The following NUMBL variants were observed in gnomAD, a reference collection of about 807,000 sequenced individuals.
NUMBL encodes NUMB like endocytic adaptor protein.
In NUMBL, 20 loss-of-function variants were observed where a neutral mutation model predicts 48.9. The ratio of observed to expected loss-of-function variants is 0.41; its 90% CI spans 0.29 to 0.59. NUMBL has a LOEUF of 0.59. Ranked by LOEUF, NUMBL falls within the 20% of genes least tolerant of loss-of-function variation. NUMBL has a pLI of 0.31. For synonymous variants in NUMBL, 340 were observed against 348.7 expected, an observed-to-expected ratio of 0.98 and a Z score of 0.28; for missense variants, 660 against 846.2, an observed-to-expected ratio of 0.78 and a Z score of 2.73.
Position 40,682,887 on chromosome 19 carries a change from C to A in NUMBL, c.324+7G>T. The A allele has an allele frequency of 6.2e-7, 1 of 1,614,134 alleles. No individual in the cohort carries two copies. The highest frequency in any genetic ancestry group is 8.5e-7 in the Non-Finnish European group (1 of 1,180,030). ...GCCCCCTCCCTCATGGCAGCCCCCT[C>A]ACTCACCGCCTTCAGCTTCTTCACC... On this transcript the variant is annotated splice_region_variant and intron_variant, in intron 4 of 9. Coordinates refer to ENST00000252891, the MANE Select transcript of NUMBL (RefSeq NM_004756.5). This position sits in a 1 kb window ranked among gnomAD's most constrained non-coding sequence, Gnocchi z 4.0.
chr19:40,677,384 G>T lies in NUMBL; in HGVS notation c.578C>A (p.Ala193Asp). The T allele has an allele frequency of 6.2e-7, 1 of 1,611,262 alleles. No homozygotes were observed. The change falls in exon 7 of 10, where the codon GCC becomes GAC. Residue 193 changes from alanine (A) to aspartate (D), a missense_variant. By Grantham distance (126) the Ala-to-Asp change is moderately radical. Around this residue, in one of 3 missense-constraint regions of NUMBL, gnomAD observed 278 missense variants for 420.6 expected, o/e 0.66. Coordinates refer to ENST00000252891, the MANE Select transcript of NUMBL (RefSeq NM_004756.5). Reference sequence around the variant, plus strand: ...TCGCTGTTTTCGCTCCAGGCAGGCGGCAAAAGCACAGCCCACAGCGTGGCT... The same window carrying T: ...TCGCTGTTTTCGCTCCAGGCAGGCGTCAAAAGCACAGCCCACAGCGTGGCT... ...RLSHAVGCAF[A>D]ACLERKQRRE...
In NUMBL at chr19:40,667,662, G is replaced by A; in HGVS notation, c.1636C>T (p.Pro546Ser). The A allele has an allele frequency of 6.4e-7, 1 of 1,565,850 alleles. No individual in the cohort carries two copies. The highest frequency in any genetic ancestry group is 8.7e-7 in the Non-Finnish European group (1 of 1,155,350). The stretch of plus-strand genomic sequence containing the variant: ...CGGGCCTGGCTCCCAGGGGCACTGG[G>A]TATGGCAGGGGGCGGGAAGGCCCCA... ...KAGAFPPPAI[P>S]SAPGSQARPR... Residue 546 changes from proline to serine, a missense_variant, in exon 10 of 10, where the codon CCC becomes TCC. Physicochemically the swap from Pro to Ser is moderately conservative, Grantham distance 74. Coordinates refer to ENST00000252891, the MANE Select transcript of NUMBL (RefSeq NM_004756.5). This position sits in a 1 kb window ranked among gnomAD's most constrained non-coding sequence, Gnocchi z 6.1.
In NUMBL at chr19:40,673,456, C is replaced by A. The variant is rs1463497347; in HGVS notation, c.924G>T (p.Gly308=). The A allele has an allele frequency of 6.2e-7, 1 of 1,609,378 alleles. No individual in the cohort carries two copies. The highest frequency in any genetic ancestry group is 8.5e-7 in the Non-Finnish European group (1 of 1,177,894). The change falls in exon 8 of 10, where the codon GGG becomes GGT. Residue 308 remains glycine, a synonymous_variant. Coordinates refer to ENST00000252891, the MANE Select transcript of NUMBL (RefSeq NM_004756.5). The surrounding 1 kb of genome is among the most constrained non-coding windows in gnomAD (Gnocchi z 5.9). ...EQLVRQGSFR[G]FPALSQKNSP... ...AGTTCTTCTGGCTGAGTGCTGGGAA[C>A]CCACGGAAGGAGCCCTGGCGAACCA...
At chr19:40,676,809 G>A (rs1431082409) in intron 7 of NUMBL, among the ~76,000 whole-genome samples, 5 of 151,812 alleles carry the variant, frequency 3.3e-5, no homozygotes, top group Non-Finnish European at 7.4e-5. Context: ...CATGGAAGTT[G>A]CTTTATTTAT....
In NUMBL at chr19:40,682,827, G is replaced by A; in HGVS notation, c.325-25C>T. The A allele has an allele frequency of 6.2e-7, 1 of 1,614,136 alleles. No homozygotes were observed. Among genetic ancestry groups the A allele is most frequent in the Admixed American group, 1.7e-5 (1 of 60,018 alleles). On this transcript the variant is annotated intron_variant, in intron 4 of 9. Transcript: ENST00000252891. The surrounding 1 kb of genome is among the most constrained non-coding windows in gnomAD (Gnocchi z 4.0). ...TCTGGAGGGAGGCAAGGGGACAAAG[G>A]AGCCGGGTCAGGGTGCCTCTCCCTG...
chr19:40,684,318 C>T (rs1368587582), intron 3 of NUMBL, 99 bp downstream of exon 3: 63 of 1,349,210 alleles, frequency 4.7e-5, no homozygotes, highest in Non-Finnish European at 5.8e-5. Flanking sequence ...CAACTTCAAA[C>T]GACTTGGGCT....
intron 6 of NUMBL, among the ~76,000 whole-genome samples, chr19:40,678,985 G>A (rs888301012): frequency 2.6e-5 from 4 of 152,010 alleles, no homozygotes; most frequent in Non-Finnish European, 5.9e-5. Flanking sequence ...CAGCTACTAG[G>A]GAGGCTGTGG....
In NUMBL at chr19:40,688,544, T is replaced by G. The variant is rs1000430355; in HGVS notation, c.25-1549A>C. 6.6e-6 allele frequency among the ~76,000 whole-genome samples: 1 copy of G among 152,012 alleles called. No individual in the cohort carries two copies. The highest frequency in any genetic ancestry group is 1.5e-5 in the Non-Finnish European group (1 of 68,006). On this transcript the variant is annotated intron_variant, in intron 1 of 9. Transcript: ENST00000252891. The surrounding 1 kb of genome is among the most constrained non-coding windows in gnomAD (Gnocchi z 4.6). ...ACCAAATCACACATTCTAACACAGG[T>G]AGTCCAGCACATACACACAGAGACA...
intron 7 of NUMBL, among the ~76,000 whole-genome samples, chr19:40,675,750 C>T (rs1350195555): frequency 6.6e-6 from 1 of 151,600 alleles, no homozygotes; most frequent in Non-Finnish European, 1.5e-5. Context: ...CACGCGTGCA[C>T]ACACACACAC....
chr19:40,681,733 C>CA (rs2081906388), intron 5 of NUMBL, among the ~76,000 whole-genome samples: 1 of 152,132 alleles, frequency 6.6e-6, no homozygotes, highest in South Asian at 2.1e-4. Flanking sequence ...AGTGCAGTGG[C>CA]ATGATCTTGG....
Position 40,690,445 on chromosome 19 carries a change from TC to T in NUMBL, c.24+14del. ...GCCGCCCCCGACCCGAGCCCCCCTC[TC>T]CCGCCCTTCTCACGCTGGCCGCCGC... On this transcript the variant is annotated intron_variant, in intron 1 of 9. Transcript: ENST00000252891. 7.8e-7 allele frequency: 1 copy of T among 1,276,214 alleles called. No homozygotes were observed. The highest frequency in any genetic ancestry group is 1.0e-6 in the Non-Finnish European group (1 of 1,002,456). 79.1% of individuals were successfully genotyped at this position (1,276,214 alleles called of 1,614,324 possible).
intron 7 of NUMBL, among the ~76,000 whole-genome samples, chr19:40,675,320 CA>C (rs1568428427): frequency 6.6e-6 from 1 of 151,170 alleles, no homozygotes. Flanking sequence ...GACTCTGTCT[CA>C]AAAAAAAGAT....
At chr19:40,674,640 CTGGCCCAAGGCAG>C (rs1568428256) in intron 7 of NUMBL, among the ~76,000 whole-genome samples, 1 of 152,182 alleles carries the variant, frequency 6.6e-6, no homozygotes, top group Non-Finnish European at 1.5e-5. Context: ...CCATGCAGGC[CTGGCCCAAGGCAG>C]TGGAAACAGC....
chr19:40,684,442 T>C lies in NUMBL; in HGVS notation c.224A>G (p.Lys75Arg), dbSNP rs769415992. The C allele has an allele frequency of 1.3e-6, 2 of 1,576,454 alleles. No homozygotes were observed. The highest frequency in any genetic ancestry group is 2.3e-5 in the South Asian group (2 of 86,834). Residue 75 changes from lysine (K) to arginine (R), a missense_variant, in exon 3 of 10, where the codon AAG (lysine) becomes AGG (arginine). Lys to Arg is a conservative substitution (Grantham distance 26, BLOSUM62 2). Transcript: ENST00000252891. Reference sequence around the variant, plus strand: ...CCTGACCGGGAAGCTGCACGTGCCCTTCCGCACCGCGTCCTCGTCTGCCTG... The same window carrying C: ...CCTGACCGGGAAGCTGCACGTGCCCCTCCGCACCGCGTCCTCGTCTGCCTG... ...QWQADEDAVR[K>R]GTCSFPVRYL...
chr19:40,684,577 T>G (rs1458777661), intron 2 of NUMBL, 21 bp from the exon 3 acceptor site: 1 of 1,589,992 alleles, frequency 6.3e-7, no homozygotes, highest in Non-Finnish European at 8.6e-7. Context: ...AGGACAGTGA[T>G]GTGGGTCAAG....
chr19:40,678,245 C>A (rs1346172734), intron 6 of NUMBL, among the ~76,000 whole-genome samples: 1 of 152,168 alleles, frequency 6.6e-6, no homozygotes, highest in Non-Finnish European at 1.5e-5. Context: ...TCACTGCAAC[C>A]TCCACCTCCC....
At position 40,689,379 on chromosome 19, in the gene NUMBL, T is replaced by G. The variant is rs114433236; in HGVS notation, c.24+1081A>C. Among the ~76,000 whole-genome samples the G allele has an allele frequency of 7.5e-3, 1,133 of 151,746 alleles. 13 individuals carry two copies. The highest frequency in any genetic ancestry group is 0.025 in the African/African-American group (1,024 of 41,312). Reference sequence around the variant, plus strand: ...CACACATACACAGTCACACAGATACTAGGGTCACAGACACAATCATAGACA... The same window carrying G: ...CACACATACACAGTCACACAGATACGAGGGTCACAGACACAATCATAGACA... On this transcript the variant is annotated intron_variant, in intron 1 of 9. Coordinates refer to ENST00000252891, the MANE Select transcript of NUMBL (RefSeq NM_004756.5).
intron 3 of NUMBL, 106 bp downstream of exon 3, chr19:40,684,311 C>T: frequency 7.6e-7 from 1 of 1,313,224 alleles, no homozygotes; most frequent in African/African-American, 1.5e-5. Context: ...TTAACACCAA[C>T]TTCAAACGAC....
At chr19:40,684,951 G>A (rs973749717) in intron 2 of NUMBL, 6 of 217,952 alleles carry the variant, frequency 2.8e-5, no homozygotes, top group African/African-American at 1.4e-4. Context: ...GGGGCTAGAG[G>A]GCATAGAAGT....
Sources: gnomAD v4.1 joint callset for allele counts (sites outside exome capture counted in the v4.1 genomes callset) on GRCh38, gnomAD v4.1.1 for gene constraint, gnomAD v4.1.1 regional missense constraint, Gnocchi (gnomAD v3.1) non-coding constraint, MANE v1.5 for transcripts, NCBI Gene and HGNC (gene_info 2026-07-23, HGNC 2026-07-21) for gene names.